Variants in FAM241A observed in about 807,000 individuals in gnomAD.
FAM241A encodes uncharacterized protein FAM241A.
Under a neutral mutation model 12.2 loss-of-function variants are expected in FAM241A, and 7 were observed. The observed-to-expected ratio is 0.58, with a 90% CI of 0.33 to 1.08. FAM241A has a LOEUF of 1.08. Among genes scored for constraint, FAM241A ranks in the 50% least tolerant of loss-of-function variants. The pLI, the probability that FAM241A is intolerant of heterozygous loss-of-function variation, is 0.04. For synonymous variants in FAM241A, 74 were observed against 68.2 expected, an observed-to-expected ratio of 1.08 and a Z score of -0.42; for missense variants, 161 against 169.7, an observed-to-expected ratio of 0.95 and a Z score of 0.29.
At chr4:112,181,125 T>C (rs938438769) in intron 1 of FAM241A, among the ~76,000 whole-genome samples, 1 of 152,126 alleles carries the variant, frequency 6.6e-6, no homozygotes, top group South Asian at 2.1e-4. Context: ...TAGAATCATC[T>C]CTGGAACTGA....
At chr4:112,147,259 AT>A (rs1336757518) in intron 1 of FAM241A, among the ~76,000 whole-genome samples, 1 of 152,246 alleles carries the variant, frequency 6.6e-6, no homozygotes, top group African/African-American at 2.4e-5. Context: ...TGCCTCCTTC[AT>A]TGAATGTCAT....
intron 1 of FAM241A, among the ~76,000 whole-genome samples, chr4:112,154,961 GA>G (rs1052127804): frequency 3.2e-4 from 48 of 152,190 alleles, no homozygotes; most frequent in African/African-American, 1.1e-3. Flanking sequence ...TTGAACCCAG[GA>G]GGCAGAGGTT....
intron 1 of FAM241A, among the ~76,000 whole-genome samples, chr4:112,174,861 A>G (rs1043166379): frequency 5.9e-5 from 9 of 152,074 alleles, no homozygotes; most frequent in African/African-American, 2.2e-4. Context: ...AACCAATTGA[A>G]CAATAAACTA....
At chr4:112,175,584 A>T (rs1723804041) in intron 1 of FAM241A, among the ~76,000 whole-genome samples, 1 of 152,116 alleles carries the variant, frequency 6.6e-6, no homozygotes, top group Non-Finnish European at 1.5e-5. Flanking sequence ...CCTGGCCAAC[A>T]TGGTGAAGCC....
intron 1 of FAM241A, among the ~76,000 whole-genome samples, chr4:112,162,201 T>G (rs1459435724): frequency 1.3e-5 from 2 of 152,140 alleles, no homozygotes; most frequent in African/African-American, 4.8e-5. Context: ...ACAGCCAATA[T>G]CATACTGAAT....
rs1724062173 is a variant in FAM241A, at chr4:112,187,007, C to T, written c.*69C>T. 2.6e-6 allele frequency: 4 copies of T among 1,527,446 alleles called. No individual in the cohort carries two copies. In the South Asian group the frequency reaches 5.2e-5, roughly 20 times the overall value. 94.6% of individuals were successfully genotyped at this position (1,527,446 alleles called of 1,614,324 possible). The stretch of plus-strand genomic sequence containing the variant: ...GTAATTGAAGAAGTTATATATTTCA[C>T]TTTTTGACAACCGAAAAAGTTTGCC... On this transcript the variant is annotated 3_prime_UTR_variant, in exon 2 of 2. Coordinates refer to ENST00000309733, the MANE Select transcript of FAM241A (RefSeq NM_152400.3).
At chr4:112,156,262 C>T (rs1290310101) in intron 1 of FAM241A, among the ~76,000 whole-genome samples, 2 of 152,040 alleles carry the variant, frequency 1.3e-5, no homozygotes, top group Non-Finnish European at 2.9e-5. Flanking sequence ...GGAACTCTTC[C>T]CCCAGATCTT....
At chr4:112,175,081 T>C (rs561780406) in intron 1 of FAM241A, among the ~76,000 whole-genome samples, 8 of 152,184 alleles carry the variant, frequency 5.3e-5, no homozygotes, top group Non-Finnish European at 1.2e-4. Context: ...GCTATTATTA[T>C]TATCATCATC....
At chr4:112,149,131 T>A (rs1291454754) in intron 1 of FAM241A, among the ~76,000 whole-genome samples, 2 of 152,182 alleles carry the variant, frequency 1.3e-5, no homozygotes, top group East Asian at 3.8e-4. Flanking sequence ...TGAAACTTGG[T>A]ATTACTACAG....
Position 112,186,802 on chromosome 4 carries a change from C to T in FAM241A, c.263C>T (p.Thr88Ile), listed in dbSNP as rs914714979. ...AAAAACCTTATCAACATGGGCTTCA[C>T]AAGGATGTATTTTGGAGAACGAATA... Reference protein sequence around the residue: ...LNKNLINMGFTRMYFGERIVE... With the variant: ...LNKNLINMGFIRMYFGERIVE... The change falls in exon 2 of 2, where the codon ACA becomes ATA. Residue 88 changes from threonine (T) to isoleucine (I), a missense_variant. Physicochemically the swap from Thr to Ile is moderately conservative, Grantham distance 89. Transcript: ENST00000309733. The T allele has an allele frequency of 1.6e-5, 26 of 1,613,794 alleles. No homozygotes were observed. Among genetic ancestry groups the T allele is most frequent in the Non-Finnish European group, 2.2e-5 (26 of 1,179,946 alleles).
At chr4:112,145,852 C>T in intron 1 of FAM241A, 119 bp downstream of exon 1, 1 of 552,456 alleles carries the variant, frequency 1.8e-6, no homozygotes, top group Non-Finnish European at 2.4e-6. Flanking sequence ...CGCGTGGGCA[C>T]TGGCTCCCCG....
At chr4:112,172,490 T>C (rs1033086902) in intron 1 of FAM241A, among the ~76,000 whole-genome samples, 2 of 152,238 alleles carry the variant, frequency 1.3e-5, no homozygotes, top group Non-Finnish European at 2.9e-5. Context: ...ATATCATTTT[T>C]AAAAACATCA....
intron 1 of FAM241A, among the ~76,000 whole-genome samples, chr4:112,153,955 T>A (rs548129475): frequency 5.3e-5 from 8 of 152,376 alleles, no homozygotes; most frequent in Non-Finnish European, 8.8e-5. Flanking sequence ...TGAGAATTTC[T>A]TTTATTTCCT....
At chr4:112,183,821 G>A (rs1484991530) in intron 1 of FAM241A, among the ~76,000 whole-genome samples, 1 of 151,968 alleles carries the variant, frequency 6.6e-6, no homozygotes, top group Non-Finnish European at 1.5e-5. Flanking sequence ...CTAAATCGAG[G>A]ACTCTTCAAG....
At chr4:112,166,228 T>G (rs997535384) in intron 1 of FAM241A, among the ~76,000 whole-genome samples, 3 of 151,668 alleles carry the variant, frequency 2.0e-5, no homozygotes, top group Non-Finnish European at 2.9e-5. Flanking sequence ...TTTTTGTATT[T>G]TTTTTTTTTA....
At chr4:112,161,119 CA>C (rs1187642586) in intron 1 of FAM241A, among the ~76,000 whole-genome samples, 2 of 152,042 alleles carry the variant, frequency 1.3e-5, no homozygotes, top group Admixed American at 1.3e-4. Context: ...CCAATGAGAA[CA>C]AAGAAACAAC....
intron 1 of FAM241A, among the ~76,000 whole-genome samples, chr4:112,148,565 G>A (rs1337057850): frequency 6.6e-6 from 1 of 152,176 alleles, no homozygotes; most frequent in Admixed American, 6.5e-5. Flanking sequence ...GAGGCCTTGG[G>A]AGAATGAATC....
At chr4:112,170,107 TCTTC>T (rs1338613383) in intron 1 of FAM241A, among the ~76,000 whole-genome samples, 1 of 152,236 alleles carries the variant, frequency 6.6e-6, no homozygotes, top group African/African-American at 2.4e-5. Flanking sequence ...CTGTCATTCT[TCTTC>T]CTTCTTTTGG....
intron 1 of FAM241A, among the ~76,000 whole-genome samples, chr4:112,164,994 G>T (rs1723565001): frequency 6.6e-6 from 1 of 152,160 alleles, no homozygotes; most frequent in Non-Finnish European, 1.5e-5. Flanking sequence ...CTATTTGGGA[G>T]GCTGAGGTGG....
Sources: gnomAD v4.1 joint callset for allele counts (sites outside exome capture counted in the v4.1 genomes callset) on GRCh38, gnomAD v4.1.1 for gene constraint, MANE v1.5 for transcripts, NCBI Gene and HGNC (gene_info 2026-07-23, HGNC 2026-07-21) for gene names.